ENTPD2: variants seen among roughly 807,000 people sequenced by gnomAD.
ENTPD2 encodes the protein CD39 antigen-like 1.
A neutral mutation model predicts 46.8 loss-of-function variants in ENTPD2; 48 were observed. The observed-to-expected ratio is 1.03, with a 90% CI of 0.81 to 1.30. The LOEUF is 1.30. Among genes scored for constraint, ENTPD2 ranks in the 50% most tolerant of loss-of-function variants. The pLI, the probability that ENTPD2 is intolerant of heterozygous loss-of-function variation, is 0.00. For missense variants in ENTPD2, 707 were observed against 651.1 expected (o/e 1.09, Z -0.93); for synonymous variants, 316 against 286.1 (o/e 1.10, Z -1.06).
intron 7 of ENTPD2, chr9:137,049,594 G>C (rs1832218285): frequency 2.1e-6 from 1 of 473,910 alleles, no homozygotes; most frequent in Non-Finnish European, 3.8e-6. Context: ...ACCATGGAGG[G>C]AACCAGTGGC....
At position 137,048,162 on chromosome 9, in the gene ENTPD2, C is replaced by T. The variant is rs1207275002; in HGVS notation, c.*495G>A. 1 of 153,722 alleles carries T rather than the reference C, an allele frequency of 6.5e-6. No homozygotes were observed. Among genetic ancestry groups the T allele is most frequent in the Non-Finnish European group, 1.4e-5 (1 of 69,130 alleles). 9.5% of individuals were successfully genotyped at this position (153,722 alleles called of 1,614,324 possible). A position where few individuals can be genotyped will look rare whatever the true frequency, so the allele number is the denominator to read the frequency against. On this transcript the variant is annotated 3_prime_UTR_variant, in exon 9 of 9. Coordinates refer to ENST00000355097, the MANE Select transcript of ENTPD2 (RefSeq NM_203468.3). ...TACAAGTAGGTGCTGGGCTGGCTGCCAGCCCGTGGGCTGTGACCCTCCCCA... is the reference window on the plus strand; with the variant it reads ...TACAAGTAGGTGCTGGGCTGGCTGCTAGCCCGTGGGCTGTGACCCTCCCCA...
rs1372922200 is a variant in ENTPD2, at chr9:137,049,070, T to C, written c.1155A>G (p.Gln385=). ...NVCNQTWAQL[Q]ARVPGQRARL... ...GGGCCCGTTGCCCTGGCACCCGAGC[T>C]TGCAGCTGGGACGCGGGCGGGACAC... The change falls in exon 8 of 9, where the codon CAA becomes CAG. Residue 385 remains glutamine, a synonymous_variant. Coordinates refer to ENST00000355097, the MANE Select transcript of ENTPD2 (RefSeq NM_203468.3). 6.5e-7 allele frequency: 1 copy of C among 1,532,666 alleles called. No individual in the cohort carries two copies. Among genetic ancestry groups the C allele is most frequent in the Non-Finnish European group, 8.7e-7 (1 of 1,144,458 alleles). The allele number at this position is 1,532,666 out of a possible 1,614,324, so 94.9% of individuals were successfully genotyped here. A position where few individuals can be genotyped will look rare whatever the true frequency, so the allele number is the denominator to read the frequency against.
At position 137,048,597 on chromosome 9, in the gene ENTPD2, G is replaced by A. The variant is rs2131508718; in HGVS notation, c.*60C>T. On this transcript the variant is annotated 3_prime_UTR_variant, in exon 9 of 9. Transcript: ENST00000355097. ...GGTACAGGGGTTGTGGGAGGGGTGG[G>A]AGTACGGGGTGGGGATACAGGGGTT... 54 of 1,419,496 alleles carry A rather than the reference G, an allele frequency of 3.8e-5. No homozygotes were observed. The South Asian group carries it at 7.2e-4, about 19-fold the overall frequency. The allele number at this position is 1,419,496 out of a possible 1,614,324, so 87.9% of individuals were successfully genotyped here.
In ENTPD2 at chr9:137,048,760, C is replaced by G. The variant is rs1282883491; in HGVS notation, c.1385G>C (p.Ser462Thr). ...PPGLRKGTDF[S>T]SWVVLLLLFA... ...GAGCAGCAGGAGGACGACCCAGGAG[C>G]TGAAGTCTGTGCCCTTGCGCAGCCC... Residue 462 changes from serine (S) to threonine (T), a missense_variant, in exon 9 of 9, where the codon AGC (serine) becomes ACC (threonine). Transcript: ENST00000355097. The G allele has an allele frequency of 6.2e-7, 1 of 1,602,238 alleles. No individual in the cohort carries two copies. Among genetic ancestry groups the G allele is most frequent in the South Asian group, 1.1e-5 (1 of 89,406 alleles).
At chr9:137,052,020 C>T (rs778527273) in intron 2 of ENTPD2, among the ~76,000 whole-genome samples, 32 of 152,200 alleles carry the variant, frequency 2.1e-4, no homozygotes, top group Non-Finnish European at 8.8e-5. Context: ...CTCAAACCTC[C>T]CCACCTGCTG....
In ENTPD2 at chr9:137,051,211, C is replaced by G. The variant is rs1832286925; in HGVS notation, c.546G>C (p.Lys182Asn). ...CTCTTTGGCTGGCTGCTGGGCCCAC[C>G]TTGATGAAGTTCTCCAGCAGGTAGT... The part of the protein sequence containing the change: ...TANYLLENFI[K>N]YGWVGRWFRP... Residue 182 changes from lysine (K) to asparagine (N), a missense_variant and splice_region_variant, in exon 4 of 9, where the codon AAG (lysine) becomes AAC (asparagine). Lys to Asn is a moderately conservative substitution (Grantham distance 94). Transcript: ENST00000355097. The G allele has an allele frequency of 8.7e-6, 14 of 1,612,518 alleles. No individual in the cohort carries two copies. Among genetic ancestry groups the G allele is most frequent in the Non-Finnish European group, 1.2e-5 (14 of 1,179,830 alleles).
At chr9:137,050,859 G>T (rs1197650666) in intron 5 of ENTPD2, 43 bp downstream of exon 5, 3 of 1,585,998 alleles carry the variant, frequency 1.9e-6, no homozygotes, top group Non-Finnish European at 2.6e-6. Context: ...CTCTGCTCCA[G>T]GAGGGAACAG....
chr9:137,051,753 G>T, intron 2 of ENTPD2, 93 bp from the exon 3 acceptor site: 1 of 1,459,460 alleles, frequency 6.9e-7, no homozygotes, highest in Non-Finnish European at 9.0e-7. Context: ...GGGGGCCGTG[G>T]GCTCCCAGAC....
In ENTPD2 at chr9:137,053,940, C is replaced by G. The variant is rs891621748; in HGVS notation, c.58G>C (p.Ala20Pro). Residue 20 changes from alanine to proline, a missense_variant, in exon 1 of 9, where the codon GCC (alanine) becomes CCC (proline). Physicochemically the swap from Ala to Pro is conservative, Grantham distance 27. Coordinates refer to ENST00000355097, the MANE Select transcript of ENTPD2 (RefSeq NM_203468.3). Reference sequence around the variant, plus strand: ...GGGACGCACAGCAGTAGGAGGCCGGCGAGGCCCGCGGCGGCCAGCAGCAGC... The same window carrying G: ...GGGACGCACAGCAGTAGGAGGCCGGGGAGGCCCGCGGCGGCCAGCAGCAGC... ...PPLLLAAAGL[A>P]GLLLLCVPTR... The G allele has an allele frequency of 1.1e-5, 14 of 1,225,012 alleles. 1 individual carries two copies. The highest frequency in any genetic ancestry group is 9.4e-5 in the African/African-American group (6 of 63,912). 75.9% of individuals were successfully genotyped at this position (1,225,012 alleles called of 1,614,324 possible).
At chr9:137,048,906 CAAGGTCGG>C in intron 8 of ENTPD2, 27 bp downstream of exon 8, 2 of 1,483,714 alleles carry the variant, frequency 1.3e-6, no homozygotes, top group Non-Finnish European at 1.8e-6. Context: ...CCCCGCCCCG[CAAGGTCGG>C]CCCCGCCCCG....
chr9:137,051,711 G>T, intron 2 of ENTPD2, 51 bp from the exon 3 acceptor site: 1 of 1,546,200 alleles, frequency 6.5e-7, no homozygotes, highest in South Asian at 1.2e-5. Context: ...GCCCCTAGGT[G>T]GGCCGTAGGC....
Position 137,050,512 on chromosome 9 carries a change from C to T in ENTPD2, c.801G>A (p.Pro267=), listed in dbSNP as rs371567979. The change falls in exon 6 of 9, where the codon CCG becomes CCA. Residue 267 remains proline, a synonymous_variant. Transcript: ENST00000355097. ...LQTHGFHPCW[P]RGFSTQVLLG... is the part of the protein sequence containing the mutation. ...GCAGCACTTGGGTGGAAAAGCCCCT[C>T]GGCCAGCAGGGGTGGAAGCCGTGGG... The T allele has an allele frequency of 9.8e-5, 158 of 1,612,690 alleles. No individual in the cohort carries two copies. The highest frequency in any genetic ancestry group is 1.7e-4 in the Middle Eastern group (1 of 6,058).
rs1406813032 is a variant in ENTPD2, at chr9:137,048,646, C to G, written c.*11G>C. On this transcript the variant is annotated 3_prime_UTR_variant, in exon 9 of 9. Transcript: ENST00000355097. Reference sequence around the variant, plus strand: ...TTGGGGGAGGGATGGGGCAGCTGCCCCCGTCGGCCCCTAAATGGTGCTTGG... The same window carrying G: ...TTGGGGGAGGGATGGGGCAGCTGCCGCCGTCGGCCCCTAAATGGTGCTTGG... The G allele has an allele frequency of 6.4e-7, 1 of 1,561,642 alleles. No homozygotes were observed. The highest frequency in any genetic ancestry group is 8.7e-7 in the Non-Finnish European group (1 of 1,155,646).
At chr9:137,049,777 C>T in intron 7 of ENTPD2, 93 bp downstream of exon 7, 2 of 1,420,408 alleles carry the variant, frequency 1.4e-6, no homozygotes, top group East Asian at 4.8e-5. Context: ...AGCGGGTGCT[C>T]CGAGAGGCCT....
chr9:137,049,196 G>A, intron 7 of ENTPD2, 121 bp from the exon 8 acceptor site: 1 of 1,478,802 alleles, frequency 6.8e-7, no homozygotes, highest in South Asian at 1.2e-5. Context: ...TGCGAGGCCA[G>A]AGACCACCAC....
rs1400455265 is a variant in ENTPD2 at position 137,049,876 on chromosome 9, C to T, written c.1143G>A (p.Trp381Ter). 1.2e-6 allele frequency: 2 copies of T among 1,610,804 alleles called. No homozygotes were observed. The highest frequency in any genetic ancestry group is 1.7e-6 in the Non-Finnish European group (2 of 1,179,352). Reference protein sequence around the residue: ...AAAVNVCNQTWAQLQARVPGQ... With the variant: ...AAAVNVCNQT ...GAGTGGGAGCGGGGCTCACCTGAGC[C>T]CAGGTCTGGTTGCAGACATTCACTG... Residue 381 changes from tryptophan (W) to a stop codon, truncating the protein, a stop_gained, in exon 7 of 9, where the codon TGG (tryptophan) becomes TGA (stop). Transcript: ENST00000355097. LOFTEE classifies it high-confidence loss of function.
chr9:137,049,423 C>A, intron 7 of ENTPD2: 1 of 549,574 alleles, frequency 1.8e-6, no homozygotes, highest in Non-Finnish European at 3.3e-6. Flanking sequence ...GCCGCCTGTC[C>A]CCACCTCCCT....
chr9:137,049,492 C>G (rs1330243078), intron 7 of ENTPD2: 2 of 445,514 alleles, frequency 4.5e-6, no homozygotes, highest in Non-Finnish European at 8.1e-6. Flanking sequence ...CGCTCACCAC[C>G]CCGGTCCTGG....
intron 7 of ENTPD2, 76 bp downstream of exon 7, chr9:137,049,794 G>C: frequency 6.7e-7 from 1 of 1,503,130 alleles, no homozygotes; most frequent in Non-Finnish European, 9.0e-7. Flanking sequence ...GCCTGTCCAT[G>C]CAGGGCTGGG....
Sources: gnomAD v4.1 joint callset for allele counts (sites outside exome capture counted in the v4.1 genomes callset) on GRCh38, gnomAD v4.1.1 for gene constraint, MANE v1.5 for transcripts, NCBI Gene and HGNC (gene_info 2026-07-23, HGNC 2026-07-21) for gene names.